The following VPS13B variants were observed in gnomAD, a reference collection of about 807,000 sequenced individuals.
The protein encoded by VPS13B is intermembrane lipid transfer protein VPS13B.
A neutral mutation model predicts 426.4 loss-of-function variants in VPS13B; 285 were observed. That is an observed-to-expected ratio of 0.67 (90% CI 0.61 to 0.74). The LOEUF is 0.74. Ranked by LOEUF, VPS13B falls within the 30% of genes least tolerant of loss-of-function variation. VPS13B has a pLI of 0.00. For synonymous variants in VPS13B, 1,676 were observed against 1,676.4 expected, an observed-to-expected ratio of 1.00 and a Z score of 0.01; for missense variants, 4,537 against 4,782.6, an observed-to-expected ratio of 0.95 and a Z score of 1.51.
At chr8:99,495,808 GT>G (rs1379319406) in intron 25 of VPS13B, among the ~76,000 whole-genome samples, 13 of 152,048 alleles carry the variant, frequency 8.5e-5, no homozygotes, top group African/African-American at 3.1e-4. Flanking sequence ...TTATTCTGTT[GT>G]TTTTTGAATT....
At chr8:99,811,920 TAATGA>T (rs1813722751) in intron 44 of VPS13B, among the ~76,000 whole-genome samples, 1 of 152,146 alleles carries the variant, frequency 6.6e-6, no homozygotes, top group Non-Finnish European at 1.5e-5. Flanking sequence ...AAAATTACTC[TAATGA>T]AATGTTATCA....
intron 30 of VPS13B, among the ~76,000 whole-genome samples, chr8:99,537,954 A>G (rs574579295): frequency 2.4e-4 from 36 of 152,272 alleles, no homozygotes; most frequent in African/African-American, 8.7e-4. Flanking sequence ...AATATTTCTT[A>G]TAATTGGAAA....
intron 19 of VPS13B, among the ~76,000 whole-genome samples, chr8:99,300,461 G>A (rs1820300215): frequency 6.6e-6 from 1 of 152,074 alleles, no homozygotes; most frequent in Admixed American, 6.5e-5. Flanking sequence ...TGGTATGTTG[G>A]GTGTGTTTTC....
At chr8:99,109,829 G>T (rs1418501197) in intron 5 of VPS13B, among the ~76,000 whole-genome samples, 1 of 152,076 alleles carries the variant, frequency 6.6e-6, no homozygotes. Context: ...TTTTTTAACA[G>T]GACCGTGTAA....
chr8:99,567,479 G>T (rs1465552617), intron 31 of VPS13B, among the ~76,000 whole-genome samples: 7 of 131,884 alleles, frequency 5.3e-5, no homozygotes, highest in Admixed American at 7.2e-5. Context: ...TTTTGTTGGT[G>T]TTTTTTTTTT....
At chr8:99,389,359 A>G (rs1182457931) in intron 20 of VPS13B, among the ~76,000 whole-genome samples, 1 of 152,122 alleles carries the variant, frequency 6.6e-6, no homozygotes, top group Non-Finnish European at 1.5e-5. Flanking sequence ...GTTACTTATT[A>G]TATAGTTGAC....
At chr8:99,226,234 C>T (rs1045163570) in intron 17 of VPS13B, among the ~76,000 whole-genome samples, 3 of 152,182 alleles carry the variant, frequency 2.0e-5, no homozygotes, top group African/African-American at 2.4e-5. Context: ...GCACATGCTA[C>T]TGCATCTTCC....
In VPS13B at chr8:99,377,634, C is replaced by T. The variant is rs551262646; in HGVS notation, c.2825-6574C>T. On this transcript the variant is annotated intron_variant, in intron 19 of 61. Coordinates refer to ENST00000357162, the MANE Select transcript of VPS13B (RefSeq NM_152564.5). Reference sequence around the variant, plus strand: ...GGGGAACCAGCCCCTGATAATTCAACGTAGGTTCTTTTCTATTTTCCCTAA... The same window carrying T: ...GGGGAACCAGCCCCTGATAATTCAATGTAGGTTCTTTTCTATTTTCCCTAA... Among the ~76,000 whole-genome samples the T allele has an allele frequency of 4.6e-5, 7 of 152,262 alleles. No homozygotes were observed. In the East Asian group the frequency reaches 5.8e-4, roughly 13 times the overall value.
At chr8:99,624,002 T>TA in intron 33 of VPS13B, among the ~76,000 whole-genome samples, 32 of 82,624 alleles carry the variant, frequency 3.9e-4, no homozygotes, top group African/African-American at 1.5e-3. Context: ...TACATATATA[T>TA]ATATATTTTT....
chr8:99,282,955 A>C (rs1289722094), intron 19 of VPS13B, among the ~76,000 whole-genome samples: 1 of 152,188 alleles, frequency 6.6e-6, no homozygotes, highest in Non-Finnish European at 1.5e-5. Flanking sequence ...TTACAACTCT[A>C]ATCTCTGTAA....
intron 5 of VPS13B, among the ~76,000 whole-genome samples, chr8:99,110,335 TA>T (rs930111598): frequency 2.0e-5 from 3 of 152,142 alleles, no homozygotes; most frequent in Admixed American, 2.0e-4. Context: ...AGTTAAGAAA[TA>T]AGAAATATTG....
At chr8:99,622,835 T>A in intron 33 of VPS13B, among the ~76,000 whole-genome samples, 1 of 152,216 alleles carries the variant, frequency 6.6e-6, no homozygotes, top group Non-Finnish European at 1.5e-5. Context: ...TGTCAGGAGA[T>A]CTTCTTGGCT....
At chr8:99,829,098 G>A (rs936336442) in intron 51 of VPS13B, among the ~76,000 whole-genome samples, 13 of 152,120 alleles carry the variant, frequency 8.5e-5, no homozygotes, top group Non-Finnish European at 5.9e-5. Flanking sequence ...TCTTCTTGAG[G>A]AGTATCTTTA....
chr8:99,589,739 T>C (rs1043563919), intron 33 of VPS13B, among the ~76,000 whole-genome samples: 2 of 151,912 alleles, frequency 1.3e-5, no homozygotes, highest in Non-Finnish European at 2.9e-5. Flanking sequence ...GATGGCTGGG[T>C]CAAATGGTAT....
intron 25 of VPS13B, among the ~76,000 whole-genome samples, chr8:99,498,209 A>G (rs1375802105): frequency 1.3e-5 from 2 of 152,176 alleles, no homozygotes; most frequent in Non-Finnish European, 2.9e-5. Flanking sequence ...TTAATTATGT[A>G]TCTGGGGAAC....
chr8:99,577,915 A>G, intron 33 of VPS13B: 1 of 410,910 alleles, frequency 2.4e-6, no homozygotes, highest in Non-Finnish European at 4.5e-6. Context: ...TGAAGTTCTA[A>G]AGTATGATGC....
intron 19 of VPS13B, among the ~76,000 whole-genome samples, chr8:99,309,409 G>T (rs189665007): frequency 0.033 from 4,962 of 152,242 alleles, 117 homozygotes; most frequent in Non-Finnish European, 0.048. Context: ...TGGCTAGCCA[G>T]TTTTCCCACC....
At chr8:99,365,539 C>T (rs12234903) in intron 19 of VPS13B, among the ~76,000 whole-genome samples, 97,902 of 131,490 alleles carry the variant, frequency 0.74, 36,735 homozygotes, top group South Asian at 0.87. Context: ...TTTTTTGAGG[C>T]GGAGTCTCGC....
At chr8:99,320,466 T>C (rs981226690) in intron 19 of VPS13B, among the ~76,000 whole-genome samples, 3 of 152,200 alleles carry the variant, frequency 2.0e-5, no homozygotes, top group Non-Finnish European at 4.4e-5. Context: ...TATATTTTGT[T>C]TTCTTAGTAA....
Sources: gnomAD v4.1 joint callset for allele counts (sites outside exome capture counted in the v4.1 genomes callset) on GRCh38, gnomAD v4.1.1 for gene constraint, MANE v1.5 for transcripts, NCBI Gene and HGNC (gene_info 2026-07-23, HGNC 2026-07-21) for gene names.